The following TIAM1 variants were observed in gnomAD, a reference collection of about 807,000 sequenced individuals.
The protein encoded by TIAM1 is rho guanine nucleotide exchange factor TIAM1.
In TIAM1, 65 loss-of-function variants were observed where a neutral mutation model predicts 163.5. That is an observed-to-expected ratio of 0.40 (90% CI 0.33 to 0.49). The LOEUF (loss-of-function observed/expected upper bound fraction) is 0.49. Ranked by LOEUF, TIAM1 falls within the 20% of genes least tolerant of loss-of-function variation. The pLI is 0.77. For missense variants in TIAM1, 1,789 were observed against 2,044.7 expected (o/e 0.87, Z 2.41); for synonymous variants, 833 against 810.1 (o/e 1.03, Z -0.48).
intron 5 of TIAM1, 55 bp downstream of exon 5, chr21:31,251,687 A>G: frequency 6.7e-7 from 1 of 1,501,310 alleles, no homozygotes; most frequent in South Asian, 1.3e-5. Flanking sequence ...TATGTGCACA[A>G]CGGGGCACCT....
rs991230400 is a variant in TIAM1 at position 31,118,985 on chromosome 21, T to C, written c.*1383A>G. 1.8e-5 allele frequency: 3 copies of C among 168,340 alleles called. No individual in the cohort carries two copies. The highest frequency in any genetic ancestry group is 3.9e-5 in the Non-Finnish European group (3 of 77,654). The allele number at this position is 168,340 out of a possible 1,614,324, so 10.4% of individuals were successfully genotyped here. ...ATAAAATTCAGGTCTTTAAAGTACCTACTGATGTGTCAAACACCAAATAGA... is the reference window on the plus strand; with the variant it reads ...ATAAAATTCAGGTCTTTAAAGTACCCACTGATGTGTCAAACACCAAATAGA... On this transcript the variant is annotated 3_prime_UTR_variant, in exon 28 of 28. Transcript: ENST00000541036.
intron 24 of TIAM1, among the ~76,000 whole-genome samples, chr21:31,130,565 A>G (rs776732387): frequency 1.3e-5 from 2 of 152,146 alleles, no homozygotes; most frequent in Non-Finnish European, 2.9e-5. Context: ...GAAGAGGAGA[A>G]AAAGGATCCC....
At chr21:31,554,468 G>GCTAGGTTC (rs2048803123) in intron 1 of TIAM1, among the ~76,000 whole-genome samples, 1 of 152,064 alleles carries the variant, frequency 6.6e-6, no homozygotes, top group South Asian at 2.1e-4. Flanking sequence ...CTTCAGTTTT[G>GCTAGGTTC]CTAGGTTCCA....
At chr21:31,153,373 A>G (rs962420800) in intron 17 of TIAM1, among the ~76,000 whole-genome samples, 5 of 152,134 alleles carry the variant, frequency 3.3e-5, no homozygotes, top group Admixed American at 3.3e-4. Flanking sequence ...CTCCATTGCA[A>G]CTTCTTCAAC....
At chr21:31,290,452 G>C (rs1339272671) in intron 2 of TIAM1, among the ~76,000 whole-genome samples, 1 of 151,556 alleles carries the variant, frequency 6.6e-6, no homozygotes, top group Non-Finnish European at 1.5e-5. Context: ...TGGCCAACAT[G>C]GTGAAACCTC....
intron 2 of TIAM1, among the ~76,000 whole-genome samples, chr21:31,383,240 A>C (rs1420651319): frequency 1.3e-5 from 2 of 149,460 alleles, no homozygotes; most frequent in South Asian, 2.1e-4. Flanking sequence ...ACTCCCTCTC[A>C]AAAAAAAAAG....
intron 2 of TIAM1, among the ~76,000 whole-genome samples, chr21:31,357,494 C>G (rs2076335353): frequency 6.6e-6 from 1 of 152,192 alleles, no homozygotes; most frequent in African/African-American, 2.4e-5. Flanking sequence ...ATACTCCTCT[C>G]TAAAGCCAAC....
intron 2 of TIAM1, among the ~76,000 whole-genome samples, chr21:31,411,545 G>A (rs553268684): frequency 1.5e-4 from 22 of 148,324 alleles, no homozygotes; most frequent in African/African-American, 5.3e-4. Context: ...GCGCCATCTC[G>A]GCTCACTGCA....
At chr21:31,210,804 AAG>A (rs1182298521) in intron 10 of TIAM1, among the ~76,000 whole-genome samples, 2 of 148,354 alleles carry the variant, frequency 1.3e-5, no homozygotes, top group African/African-American at 2.5e-5. Context: ...GAAAGAAAGA[AAG>A]AAAGAAAGGT....
intron 5 of TIAM1, among the ~76,000 whole-genome samples, chr21:31,250,149 C>CATAAAA (rs2071712599): frequency 2.4e-5 from 1 of 40,970 alleles, no homozygotes; most frequent in Non-Finnish European, 4.8e-5. Flanking sequence ...CTGTCTCAAA[C>CATAAAA]AGAAAAAAAA....
intron 2 of TIAM1, among the ~76,000 whole-genome samples, chr21:31,302,816 T>C (rs2074555137): frequency 6.6e-6 from 1 of 152,240 alleles, no homozygotes; most frequent in Non-Finnish European, 1.5e-5. Flanking sequence ...AATTAAAATC[T>C]ATCTATATTT....
chr21:31,505,745 T>C (rs1010773404), intron 1 of TIAM1, among the ~76,000 whole-genome samples: 1 of 152,162 alleles, frequency 6.6e-6, no homozygotes, highest in African/African-American at 2.4e-5. Context: ...CAGATTTTTT[T>C]TGTAATCCTA....
At chr21:31,122,785 TG>T (rs2082051062) in intron 27 of TIAM1, among the ~76,000 whole-genome samples, 2 of 152,200 alleles carry the variant, frequency 1.3e-5, no homozygotes, top group African/African-American at 4.8e-5. Flanking sequence ...AAATGAAGCA[TG>T]AGTATCTGTT....
At chr21:31,449,339 C>CA (rs1254270884) in intron 2 of TIAM1, among the ~76,000 whole-genome samples, 1 of 151,410 alleles carries the variant, frequency 6.6e-6, no homozygotes, top group African/African-American at 2.4e-5. Flanking sequence ...ACTAGGTGCT[C>CA]AAAAAAACAG....
At chr21:31,209,177 G>T (rs1243940598) in intron 11 of TIAM1, among the ~76,000 whole-genome samples, 1 of 152,152 alleles carries the variant, frequency 6.6e-6, no homozygotes, top group Non-Finnish European at 1.5e-5. Flanking sequence ...AAGCAGCTAA[G>T]GCCCTCTGAG....
At chr21:31,271,362 C>T (rs150103940) in intron 3 of TIAM1, among the ~76,000 whole-genome samples, 1 of 152,138 alleles carries the variant, frequency 6.6e-6, no homozygotes, top group Admixed American at 6.5e-5. Context: ...AGACACAGCA[C>T]ACATCAGTCT....
chr21:31,546,958 T>TG (rs35193144), intron 1 of TIAM1, among the ~76,000 whole-genome samples: 20,965 of 151,004 alleles, frequency 0.14, 1,662 homozygotes, highest in Non-Finnish European at 0.18. Context: ...CCCAAAATAG[T>TG]GGGGGGGGGC....
chr21:31,248,656 C>T (rs1043326017), intron 5 of TIAM1, among the ~76,000 whole-genome samples: 1 of 152,048 alleles, frequency 6.6e-6, no homozygotes, highest in Non-Finnish European at 1.5e-5. Flanking sequence ...TTTTTATTTC[C>T]CAATATTCAA....
intron 3 of TIAM1, among the ~76,000 whole-genome samples, chr21:31,268,251 C>A (rs1029468322): frequency 6.6e-6 from 1 of 152,180 alleles, no homozygotes; most frequent in Non-Finnish European, 1.5e-5. Context: ...AGGGACACAT[C>A]CCCTACTCTC....
Sources: allele counts gnomAD v4.1 joint callset (sites outside exome capture counted in the v4.1 genomes callset), GRCh38; gene constraint gnomAD v4.1.1; transcripts MANE v1.5; gene names NCBI Gene and HGNC (gene_info 2026-07-23, HGNC 2026-07-21).